DIAPH2: variants seen among roughly 807,000 people sequenced by gnomAD.
DIAPH2 encodes the protein diaphanous related formin 2.
In DIAPH2, 35 loss-of-function variants were observed where a neutral mutation model predicts 92.7. That is an observed-to-expected ratio of 0.38 (90% CI 0.29 to 0.50). The LOEUF (loss-of-function observed/expected upper bound fraction) is 0.50. Among genes scored for constraint, DIAPH2 ranks in the 20% least tolerant of loss-of-function variants. The pLI, the probability that DIAPH2 is intolerant of heterozygous loss-of-function variation, is 0.94. For synonymous variants in DIAPH2, 301 were observed against 280.4 expected (o/e 1.07, Z -0.73); for missense variants, 701 against 819.5 (o/e 0.86, Z 1.77).
At chrX:97,033,318 CT>C (rs1483204597) in intron 17 of DIAPH2, among the ~76,000 whole-genome samples, 2 of 111,345 alleles carry the variant, frequency 1.8e-5, no homozygotes, top group African/African-American at 6.5e-5. Flanking sequence ...TCACAGTGTA[CT>C]TTTTTTCCTA....
At chrX:96,921,697 G>GT (rs373282813) in intron 9 of DIAPH2, among the ~76,000 whole-genome samples, 5,519 of 87,942 alleles carry the variant, frequency 0.063, 295 homozygotes, top group African/African-American at 0.14. Context: ...TACCTTTATG[G>GT]TTTTTTTTTT....
At chrX:97,130,636 A>C (rs1309431452) in intron 21 of DIAPH2, among the ~76,000 whole-genome samples, 2 of 111,654 alleles carry the variant, frequency 1.8e-5, no homozygotes, top group Non-Finnish European at 3.8e-5. Flanking sequence ...AATGGGTAAC[A>C]GTTTCAGTAT....
intron 26 of DIAPH2, among the ~76,000 whole-genome samples, chrX:97,596,315 A>T (rs7058070): frequency 0.016 from 1,814 of 111,913 alleles, 36 homozygotes; most frequent in African/African-American, 0.056. Context: ...CCCAACAAGC[A>T]TATATACACA....
At chrX:97,551,304 C>T (rs1470279574) in intron 26 of DIAPH2, among the ~76,000 whole-genome samples, 2 of 111,335 alleles carry the variant, frequency 1.8e-5, no homozygotes, top group African/African-American at 6.5e-5. Flanking sequence ...CTAAAATTTG[C>T]AGTGTTCGGG....
At chrX:96,851,201 A>C (rs1208716076) in intron 4 of DIAPH2, among the ~76,000 whole-genome samples, 2 of 111,897 alleles carry the variant, frequency 1.8e-5, no homozygotes, top group South Asian at 7.5e-4. Context: ...TCCCAGGTTT[A>C]AGCAATCCTG....
intron 22 of DIAPH2, among the ~76,000 whole-genome samples, chrX:97,213,430 T>C (rs1397121643): frequency 2.7e-5 from 3 of 111,786 alleles, no homozygotes; most frequent in African/African-American, 9.7e-5. Flanking sequence ...AAATATGCAG[T>C]GTGTCACATT....
At chrX:97,189,077 A>T (rs1410350506) in intron 22 of DIAPH2, among the ~76,000 whole-genome samples, 1 of 112,079 alleles carries the variant, frequency 8.9e-6, no homozygotes, top group Non-Finnish European at 1.9e-5. Context: ...CACCGTGCCA[A>T]GACAGCTATT....
intron 3 of DIAPH2, among the ~76,000 whole-genome samples, chrX:96,742,354 A>G (rs1602469460): frequency 8.9e-6 from 1 of 111,752 alleles, no homozygotes; most frequent in East Asian, 2.8e-4. Context: ...TAGGATTACC[A>G]CAACCCCTAA....
At chrX:97,050,146 T>C (rs1347069805) in intron 17 of DIAPH2, among the ~76,000 whole-genome samples, 4 of 111,702 alleles carry the variant, frequency 3.6e-5, no homozygotes, top group South Asian at 7.4e-4. Context: ...TTAAATCTTC[T>C]GTCTCAAAAT....
intron 1 of DIAPH2, among the ~76,000 whole-genome samples, chrX:96,716,902 C>T (rs2063953273): frequency 9.0e-6 from 1 of 111,165 alleles, no homozygotes; most frequent in Non-Finnish European, 1.9e-5. Flanking sequence ...TTCTATTTGC[C>T]TAAGGTGACA....
intron 26 of DIAPH2, among the ~76,000 whole-genome samples, chrX:97,473,482 C>A (rs1263155397): frequency 9.0e-6 from 1 of 111,103 alleles, no homozygotes; most frequent in Non-Finnish European, 1.9e-5. Context: ...TTACAGACGC[C>A]CGCCACCATG....
chrX:97,553,461 C>A (rs1383716675), intron 26 of DIAPH2, among the ~76,000 whole-genome samples: 1 of 110,656 alleles, frequency 9.0e-6, no homozygotes, highest in African/African-American at 3.3e-5. Flanking sequence ...CTAATACCCC[C>A]TTAATTACAA....
intron 23 of DIAPH2, among the ~76,000 whole-genome samples, chrX:97,298,870 C>T (rs1378821118): frequency 2.7e-5 from 3 of 110,755 alleles, no homozygotes; most frequent in African/African-American, 9.9e-5. Context: ...CGCCCGCCTC[C>T]GCCTCCCAAA....
In DIAPH2 at chrX:96,685,324, C is replaced by T. The variant is rs1414923573; in HGVS notation, c.132+134C>T. 16 of 753,613 alleles carry T rather than the reference C, an allele frequency of 2.1e-5. No individual in the cohort carries two copies. The South Asian group carries it at 1.2e-3, about 56-fold the overall frequency. 62.1% of individuals were successfully genotyped at this position (753,613 alleles called of 1,213,427 possible). A position where few individuals can be genotyped will look rare whatever the true frequency, so the allele number is the denominator to read the frequency against. The stretch of plus-strand genomic sequence containing the variant: ...CCTCGCTGTGCAACTCGGGGAGCCG[C>T]TAAAGGAGTGGCCACGCCGAGGCGC... On this transcript the variant is annotated intron_variant, in intron 1 of 26. Coordinates refer to ENST00000324765, the MANE Select transcript of DIAPH2 (RefSeq NM_006729.5).
At chrX:96,983,843 G>C (rs5921050) in intron 17 of DIAPH2, among the ~76,000 whole-genome samples, 1 of 111,154 alleles carries the variant, frequency 9.0e-6, no homozygotes, top group Non-Finnish European at 1.9e-5. Context: ...ATTTAATAAC[G>C]TTTTTGAAAA....
At chrX:96,938,678 T>C (rs1242606711) in intron 11 of DIAPH2, among the ~76,000 whole-genome samples, 2 of 112,311 alleles carry the variant, frequency 1.8e-5, no homozygotes, top group Non-Finnish European at 3.8e-5. Flanking sequence ...GATTTCTAGT[T>C]TACTAAAAGC....
At chrX:96,914,420 A>C (rs1023905636) in intron 7 of DIAPH2, among the ~76,000 whole-genome samples, 2 of 111,516 alleles carry the variant, frequency 1.8e-5, no homozygotes, top group African/African-American at 6.5e-5. Context: ...ATGGAAAGAT[A>C]ACACAGTTCT....
At position 97,579,162 on chromosome X, in the gene DIAPH2, T is replaced by G. The variant is rs1314933919; in HGVS notation, c.3242-20091T>G. Among the ~76,000 whole-genome samples the G allele has an allele frequency of 4.3e-3, 468 of 109,479 alleles. 2 individuals are homozygous for G. The highest frequency in any genetic ancestry group is 0.028 in the Middle Eastern group (6 of 216). On this transcript the variant is annotated intron_variant, in intron 26 of 26. Coordinates refer to ENST00000324765, the MANE Select transcript of DIAPH2 (RefSeq NM_006729.5). ...TGGTAGTTTCTTTTGCTGTGCAGAA[T>G]CTCTTTAGTTTAATTAGATGCCATT...
chrX:97,123,726 A>T (rs976328653), intron 21 of DIAPH2, among the ~76,000 whole-genome samples: 1 of 112,298 alleles, frequency 8.9e-6, no homozygotes, highest in African/African-American at 3.2e-5. Flanking sequence ...ACTTCTTTTG[A>T]GTTTATCTTC....
Sources: gnomAD v4.1 joint callset for allele counts (sites outside exome capture counted in the v4.1 genomes callset) on GRCh38, gnomAD v4.1.1 for gene constraint, MANE v1.5 for transcripts, NCBI Gene and HGNC (gene_info 2026-07-23, HGNC 2026-07-21) for gene names.